Variants in RAB11FIP4 observed in about 807,000 individuals in gnomAD.
RAB11FIP4 encodes rab11 family-interacting protein 4.
RAB11FIP4 carries 23 observed loss-of-function variants against 74.3 expected under a neutral mutation model. That is an observed-to-expected ratio of 0.31 (90% CI 0.22 to 0.44). The LOEUF (loss-of-function observed/expected upper bound fraction) is 0.44, where lower values mean the gene tolerates loss of function less well. Ranked by LOEUF, RAB11FIP4 falls within the 20% of genes least tolerant of loss-of-function variation. The pLI is 1.00. For missense variants in RAB11FIP4, 630 were observed against 863.9 expected, an observed-to-expected ratio of 0.73 and a Z score of 3.39; for synonymous variants, 360 against 359.9, an observed-to-expected ratio of 1.00 and a Z score of 0.00.
At chr17:31,457,719 A>C (rs1597928036) in intron 3 of RAB11FIP4, among the ~76,000 whole-genome samples, 1 of 147,246 alleles carries the variant, frequency 6.8e-6, no homozygotes, top group African/African-American at 2.5e-5. Flanking sequence ...AGGTGGCCAC[A>C]CCCCTCCTGC....
intron 3 of RAB11FIP4, among the ~76,000 whole-genome samples, chr17:31,511,212 G>A (rs1176003109): frequency 6.6e-6 from 1 of 152,154 alleles, no homozygotes; most frequent in East Asian, 1.9e-4. Flanking sequence ...GAATGGTGGA[G>A]CAGGGCTCTG....
rs144143851 is a variant in RAB11FIP4, at chr17:31,422,156, CAG to C, written c.160-9654_160-9653del. On this transcript the variant is annotated intron_variant, in intron 1 of 14. Transcript: ENST00000621161. ...CACCGCTGCACTCCAGCCAAGGTGA[CAG>C]AGTAAGATCCTGCCTCCCCACCACA... 7.3e-3 allele frequency among the ~76,000 whole-genome samples: 1,114 copies of C among 152,242 alleles called. 9 individuals carry two copies. The highest frequency in any genetic ancestry group is 0.025 in the African/African-American group (1,051 of 41,540).
Position 31,400,592 on chromosome 17 carries a change from T to G in RAB11FIP4, c.159+8581T>G, listed in dbSNP as rs138174256. Among the ~76,000 whole-genome samples the G allele has an allele frequency of 3.6e-3, 550 of 152,310 alleles. 11 individuals are homozygous for G. The highest frequency in any genetic ancestry group is 0.012 in the African/African-American group (516 of 41,564). On this transcript the variant is annotated intron_variant, in intron 1 of 14. Transcript: ENST00000621161. ...GCAGGGAGACCAGCACCAAGGCTAG[T>G]TCTTCACCCAGGTGATGGGCGCTGG...
Position 31,528,607 on chromosome 17 carries a change from C to G in RAB11FIP4, c.1495-13C>G, listed in dbSNP as rs2072811602. 1 of 1,613,206 alleles carries G rather than the reference C, an allele frequency of 6.2e-7. No homozygotes were observed. The highest frequency in any genetic ancestry group is 8.5e-7 in the Non-Finnish European group (1 of 1,179,624). ...CATCCCTGCTCCTGCCAACCTGCTT[C>G]TCTCCCTCGCAGCTCATCGAGGACT... On this transcript the variant is annotated splice_polypyrimidine_tract_variant and intron_variant, in intron 12 of 14. Transcript: ENST00000621161.
rs1336284001 is a variant in RAB11FIP4 at position 31,391,908 on chromosome 17, G to A, written c.56G>A (p.Arg19His). Residue 19 changes from arginine to histidine, a missense_variant, in exon 1 of 15, where the codon CGC becomes CAC. Arg to His is a conservative substitution (Grantham distance 29, BLOSUM62 0). Coordinates refer to ENST00000621161, the MANE Select transcript of RAB11FIP4 (RefSeq NM_032932.6). ...CCCGCGGCTCTGCTGCGCTCCGTGC[G>A]CCGCCTGCGCGAGGTGTTCGAGGTG... ...GAPAALLRSV[R>H]RLREVFEVCG... The A allele has an allele frequency of 1.5e-6, 2 of 1,332,914 alleles. No individual in the cohort carries two copies. Among genetic ancestry groups the A allele is most frequent in the Admixed American group, 3.1e-5 (1 of 32,086 alleles). The allele number at this position is 1,332,914 out of a possible 1,614,324, so 82.6% of individuals were successfully genotyped here. A position where few individuals can be genotyped will look rare whatever the true frequency, so the allele number is the denominator to read the frequency against.
chr17:31,529,887 C>T (rs537628890), intron 13 of RAB11FIP4, among the ~76,000 whole-genome samples: 3 of 152,254 alleles, frequency 2.0e-5, no homozygotes, highest in South Asian at 4.1e-4. Flanking sequence ...GGGATCTGGG[C>T]GGGTCCGCCT....
At chr17:31,419,506 A>G (rs1412524074) in intron 1 of RAB11FIP4, among the ~76,000 whole-genome samples, 1 of 149,422 alleles carries the variant, frequency 6.7e-6, no homozygotes, top group East Asian at 2.0e-4. Context: ...GCAGAGGCTC[A>G]TTGCATCTGT....
At chr17:31,495,935 G>A (rs1301688013) in intron 3 of RAB11FIP4, among the ~76,000 whole-genome samples, 1 of 152,140 alleles carries the variant, frequency 6.6e-6, no homozygotes, top group Non-Finnish European at 1.5e-5. Flanking sequence ...GGATTCTAAG[G>A]CACATTCTTT....
At chr17:31,408,831 TC>T (rs1459330762) in intron 1 of RAB11FIP4, among the ~76,000 whole-genome samples, 1 of 151,896 alleles carries the variant, frequency 6.6e-6, no homozygotes, top group Non-Finnish European at 1.5e-5. Flanking sequence ...ACAGACAGGG[TC>T]CCAAAGGAAG....
chr17:31,443,617 G>A (rs1323041537), intron 3 of RAB11FIP4, among the ~76,000 whole-genome samples: 1 of 103,088 alleles, frequency 9.7e-6, no homozygotes, highest in African/African-American at 4.6e-5. Context: ...GATGGCAAAG[G>A]AAGTGAGGTT....
At chr17:31,487,121 A>T (rs953500407) in intron 3 of RAB11FIP4, among the ~76,000 whole-genome samples, 1 of 152,220 alleles carries the variant, frequency 6.6e-6, no homozygotes, top group Non-Finnish European at 1.5e-5. Flanking sequence ...GCTTTGAGCC[A>T]GACAGGAAGA....
At chr17:31,494,791 T>A (rs1214608060) in intron 3 of RAB11FIP4, among the ~76,000 whole-genome samples, 1 of 152,104 alleles carries the variant, frequency 6.6e-6, no homozygotes, top group Non-Finnish European at 1.5e-5. Flanking sequence ...TCTGTGTTTT[T>A]AACAAACCTT....
intron 4 of RAB11FIP4, 141 bp downstream of exon 4, chr17:31,518,018 C>G (rs1489736470): frequency 1.5e-6 from 1 of 669,384 alleles, no homozygotes. Flanking sequence ...TTCTGAATAG[C>G]ACAAGATTCT....
chr17:31,452,983 G>A (rs973011356), intron 3 of RAB11FIP4, among the ~76,000 whole-genome samples: 1 of 152,172 alleles, frequency 6.6e-6, no homozygotes, highest in African/African-American at 2.4e-5. Flanking sequence ...ATTACCGAGA[G>A]GTTTCCAAGC....
chr17:31,437,891 T>C (rs1156482939), intron 3 of RAB11FIP4, among the ~76,000 whole-genome samples: 1 of 152,128 alleles, frequency 6.6e-6, no homozygotes, highest in African/African-American at 2.4e-5. Context: ...GGGCAGTTGA[T>C]GCCTGGATGC....
chr17:31,396,193 A>G (rs940317032), intron 1 of RAB11FIP4, among the ~76,000 whole-genome samples: 1 of 124,762 alleles, frequency 8.0e-6, no homozygotes, highest in Non-Finnish European at 1.9e-5. Flanking sequence ...CAAAAAAAAA[A>G]AAAAGAAAAG....
chr17:31,419,603 T>G (rs2071180067), intron 1 of RAB11FIP4, among the ~76,000 whole-genome samples: 1 of 150,738 alleles, frequency 6.6e-6, no homozygotes, highest in African/African-American at 2.4e-5. Flanking sequence ...CAGGCTAGAG[T>G]GCAGTGGGGC....
intron 7 of RAB11FIP4, chr17:31,523,225 C>T (rs1299482825): frequency 6.4e-6 from 3 of 466,030 alleles, no homozygotes; most frequent in African/African-American, 5.9e-5. Context: ...TGGGTAGCTG[C>T]AGGCCAGCAT....
At chr17:31,488,382 G>T in intron 3 of RAB11FIP4, 1 of 1,050,136 alleles carries the variant, frequency 9.5e-7, no homozygotes. Flanking sequence ...GGCCTGGGAG[G>T]TCGTGTTACC....
Sources: allele counts gnomAD v4.1 joint callset (sites outside exome capture counted in the v4.1 genomes callset), GRCh38; gene constraint gnomAD v4.1.1; transcripts MANE v1.5; gene names NCBI Gene and HGNC (gene_info 2026-07-23, HGNC 2026-07-21).